The following TRIO variants were observed in gnomAD, a reference collection of about 807,000 sequenced individuals.
The protein encoded by TRIO is trio Rho guanine nucleotide exchange factor, also known as triple functional domain protein.
A neutral mutation model predicts 351.9 loss-of-function variants in TRIO; 58 were observed. The observed-to-expected ratio is 0.16, with a 90% CI of 0.13 to 0.21. The LOEUF (loss-of-function observed/expected upper bound fraction) is 0.21. Ranked by LOEUF, TRIO falls within the 10% of genes least tolerant of loss-of-function variation. TRIO has a pLI of 1.00. For missense variants in TRIO, 3,201 were observed against 4,027.8 expected (o/e 0.79, Z 5.56); for synonymous variants, 1,758 against 1,595.7 (o/e 1.10, Z -2.42).
chr5:14,396,931 A>C (rs1747652321), intron 28 of TRIO, 112 bp from the exon 29 acceptor site: 3 of 822,916 alleles, frequency 3.6e-6, no homozygotes, highest in Non-Finnish European at 5.8e-6. Flanking sequence ...CCAGTTGACC[A>C]CATTCTGTTT....
intron 29 of TRIO, among the ~76,000 whole-genome samples, chr5:14,398,232 G>A (rs1747778421): frequency 6.6e-6 from 1 of 152,214 alleles, no homozygotes; most frequent in South Asian, 2.1e-4. Flanking sequence ...CTAAGCCCTG[G>A]TGGCTTCATA....
chr5:14,343,816 C>T (rs1579378541), intron 11 of TRIO, among the ~76,000 whole-genome samples: 1 of 152,268 alleles, frequency 6.6e-6, no homozygotes. Flanking sequence ...GGTAAGCACA[C>T]GTTTAGTTTT....
chr5:14,491,553 A>G (rs971391293), intron 48 of TRIO, among the ~76,000 whole-genome samples: 1 of 152,210 alleles, frequency 6.6e-6, no homozygotes, highest in Non-Finnish European at 1.5e-5. Flanking sequence ...CCAGAACCAT[A>G]GGCCACGCGC....
chr5:14,266,184 G>A (rs1195068068), intron 1 of TRIO, among the ~76,000 whole-genome samples: 2 of 151,898 alleles, frequency 1.3e-5, no homozygotes, highest in African/African-American at 2.4e-5. Flanking sequence ...TCAGCCTCCC[G>A]AGTAGCTGGG....
At chr5:14,349,886 C>T (rs377140719) in intron 11 of TRIO, among the ~76,000 whole-genome samples, 1 of 152,138 alleles carries the variant, frequency 6.6e-6, no homozygotes, top group Non-Finnish European at 1.5e-5. Flanking sequence ...CCAGCCTCCA[C>T]CTTCAAGTAG....
At chr5:14,153,948 A>G (rs1158427922) in intron 1 of TRIO, among the ~76,000 whole-genome samples, 2 of 152,086 alleles carry the variant, frequency 1.3e-5, no homozygotes, top group Non-Finnish European at 2.9e-5. Flanking sequence ...TATAGCAAGT[A>G]TTTTTCTCAT....
chr5:14,415,341 G>A (rs1385190166), intron 33 of TRIO, among the ~76,000 whole-genome samples: 1 of 151,724 alleles, frequency 6.6e-6, no homozygotes, highest in Non-Finnish European at 1.5e-5. Flanking sequence ...TCTTCCTCAG[G>A]CAGAGCTTGC....
intron 10 of TRIO, among the ~76,000 whole-genome samples, chr5:14,333,177 A>G (rs1029106579): frequency 2.6e-5 from 4 of 151,772 alleles, no homozygotes; most frequent in Non-Finnish European, 5.9e-5. Flanking sequence ...AAACCCTCCC[A>G]CTCCCACACT....
chr5:14,358,433 G>C (rs1743836151), intron 12 of TRIO, 86 bp downstream of exon 12: 1 of 1,510,310 alleles, frequency 6.6e-7, no homozygotes, highest in South Asian at 1.2e-5. Flanking sequence ...TGAGTGGTCA[G>C]CTCTGCTTCT....
chr5:14,453,272 T>C (rs926932788), intron 34 of TRIO, among the ~76,000 whole-genome samples: 1 of 152,220 alleles, frequency 6.6e-6, no homozygotes, highest in African/African-American at 2.4e-5. Context: ...GTGACTGCGA[T>C]GTGCTGATAG....
intron 1 of TRIO, among the ~76,000 whole-genome samples, chr5:14,167,200 T>C (rs1788818233): frequency 6.6e-6 from 1 of 151,508 alleles, no homozygotes; most frequent in South Asian, 2.1e-4. Context: ...TGATTTCTGT[T>C]TCCTAATGAT....
intron 34 of TRIO, among the ~76,000 whole-genome samples, chr5:14,458,359 C>G (rs1753523796): frequency 6.6e-6 from 1 of 152,188 alleles, no homozygotes; most frequent in African/African-American, 2.4e-5. Context: ...CCCCTGCCTT[C>G]CTGGAGCTTT....
intron 11 of TRIO, among the ~76,000 whole-genome samples, chr5:14,348,106 A>C (rs1742601410): frequency 6.6e-6 from 1 of 152,174 alleles, no homozygotes; most frequent in Admixed American, 6.5e-5. Flanking sequence ...TGTTTGGATC[A>C]CGTGGGTATT....
intron 33 of TRIO, among the ~76,000 whole-genome samples, chr5:14,418,051 GAC>G (rs1285009728): frequency 6.6e-6 from 1 of 152,178 alleles, no homozygotes; most frequent in African/African-American, 2.4e-5. Flanking sequence ...GATGAAGGCA[GAC>G]ACACACACGT....
intron 25 of TRIO, 58 bp from the exon 26 acceptor site, chr5:14,390,173 C>T (rs1395375030): frequency 1.3e-6 from 2 of 1,508,300 alleles, no homozygotes; most frequent in African/African-American, 1.4e-5. Flanking sequence ...TGGCATATCT[C>T]ACTAGTAAAA....
At chr5:14,168,853 G>A (rs1284367005) in intron 1 of TRIO, among the ~76,000 whole-genome samples, 1 of 152,238 alleles carries the variant, frequency 6.6e-6, no homozygotes, top group Non-Finnish European at 1.5e-5. Flanking sequence ...ATGCAAATGT[G>A]TCTTTGGAAG....
chr5:14,183,593 TA>T (rs33915930), intron 1 of TRIO, among the ~76,000 whole-genome samples: 128,510 of 151,942 alleles, frequency 0.85, 54,519 homozygotes, highest in East Asian at 0.99. Context: ...TCTGAGTAAT[TA>T]AAAAGAGAAA....
At chr5:14,171,933 G>C (rs892346156) in intron 1 of TRIO, among the ~76,000 whole-genome samples, 2 of 152,176 alleles carry the variant, frequency 1.3e-5, no homozygotes, top group East Asian at 3.8e-4. Flanking sequence ...TTGCAAAAGT[G>C]AGCAAAGATA....
At chr5:14,399,591 C>T (rs1409184847) in intron 30 of TRIO, among the ~76,000 whole-genome samples, 1 of 152,180 alleles carries the variant, frequency 6.6e-6, no homozygotes, top group Non-Finnish European at 1.5e-5. Context: ...TCTGAAAGAT[C>T]CACAGCCCCA....
Sources: allele counts gnomAD v4.1 joint callset (sites outside exome capture counted in the v4.1 genomes callset), GRCh38; gene constraint gnomAD v4.1.1; transcripts MANE v1.5; gene names NCBI Gene and HGNC (gene_info 2026-07-23, HGNC 2026-07-21).